Variants in ULK4 observed in about 807,000 individuals in gnomAD.
ULK4 encodes the protein inactive serine/threonine-protein kinase ULK4.
ULK4 carries 133 observed loss-of-function variants against 160.6 expected under a neutral mutation model. The observed-to-expected ratio is 0.83, with a 90% CI of 0.72 to 0.96. The LOEUF is 0.96. ULK4 is among the 40% of genes least tolerant of loss of function. The pLI is 0.00. For missense variants in ULK4, 1,580 were observed against 1,499.5 expected, an observed-to-expected ratio of 1.05 and a Z score of -0.89; for synonymous variants, 534 against 539.8, an observed-to-expected ratio of 0.99 and a Z score of 0.15.
At chr3:41,656,265 TA>T (rs1365921210) in intron 30 of ULK4, among the ~76,000 whole-genome samples, 4 of 152,062 alleles carry the variant, frequency 2.6e-5, no homozygotes, top group Non-Finnish European at 4.4e-5. Flanking sequence ...TTCTATGGAC[TA>T]GGGGGTTCAC....
intron 31 of ULK4, among the ~76,000 whole-genome samples, chr3:41,581,132 T>G (rs1322929730): frequency 1.3e-5 from 2 of 151,874 alleles, no homozygotes; most frequent in Non-Finnish European, 2.9e-5. Flanking sequence ...TTGTAACATA[T>G]AGCAAGAAAA....
chr3:41,577,413 T>C (rs1457928827), intron 31 of ULK4, among the ~76,000 whole-genome samples: 2 of 152,218 alleles, frequency 1.3e-5, no homozygotes, highest in African/African-American at 2.4e-5. Flanking sequence ...AGGCATGTAA[T>C]GCATAATAAT....
At chr3:41,547,790 T>A (rs1205414796) in intron 32 of ULK4, among the ~76,000 whole-genome samples, 2 of 152,190 alleles carry the variant, frequency 1.3e-5, no homozygotes, top group Non-Finnish European at 2.9e-5. Context: ...AGCAATGCAA[T>A]GCCAGCTGGA....
intron 25 of ULK4, among the ~76,000 whole-genome samples, chr3:41,706,364 T>A (rs1357530674): frequency 6.8e-6 from 1 of 146,264 alleles, no homozygotes; most frequent in African/African-American, 2.5e-5. Context: ...TATATATTTA[T>A]ATATATATTT....
intron 30 of ULK4, among the ~76,000 whole-genome samples, chr3:41,641,818 G>C (rs1235580047): frequency 7.9e-6 from 1 of 127,108 alleles, no homozygotes; most frequent in Non-Finnish European, 1.6e-5. Flanking sequence ...CCTAATAATT[G>C]TTTAAAATGC....
intron 35 of ULK4, among the ~76,000 whole-genome samples, chr3:41,285,195 C>G (rs2079434009): frequency 6.6e-6 from 1 of 152,152 alleles, no homozygotes; most frequent in Admixed American, 6.5e-5. Flanking sequence ...CCTTAAAGAA[C>G]TAAAAGTAGA....
intron 32 of ULK4, among the ~76,000 whole-genome samples, chr3:41,467,469 G>C (rs1016286671): frequency 6.6e-6 from 1 of 152,216 alleles, no homozygotes; most frequent in African/African-American, 2.4e-5. Context: ...AGAAGTTGTA[G>C]TGAGCTGAGA....
intron 34 of ULK4, among the ~76,000 whole-genome samples, chr3:41,449,167 C>T (rs2083370569): frequency 6.6e-6 from 1 of 152,154 alleles, no homozygotes; most frequent in African/African-American, 2.4e-5. Context: ...ATCTGCCCAC[C>T]TCAGCCTCCC....
At chr3:41,308,356 T>C (rs2079988387) in intron 35 of ULK4, among the ~76,000 whole-genome samples, 2 of 151,472 alleles carry the variant, frequency 1.3e-5, no homozygotes, top group Admixed American at 1.3e-4. Flanking sequence ...AAAAGATAAC[T>C]CTGAAGATAA....
intron 31 of ULK4, among the ~76,000 whole-genome samples, chr3:41,568,288 T>G (rs2087854339): frequency 6.6e-6 from 1 of 152,110 alleles, no homozygotes; most frequent in Non-Finnish European, 1.5e-5. Context: ...GGCTTGGGAG[T>G]GCTGCAGGGG....
intron 35 of ULK4, among the ~76,000 whole-genome samples, chr3:41,327,437 G>A (rs933129999): frequency 6.6e-5 from 10 of 151,868 alleles, no homozygotes; most frequent in African/African-American, 1.2e-4. Context: ...CCTCTTGCCC[G>A]TATTCTGGCA....
chr3:41,858,146 T>G (rs1297718268), intron 17 of ULK4, among the ~76,000 whole-genome samples: 1 of 100,630 alleles, frequency 9.9e-6, no homozygotes, highest in Admixed American at 8.9e-5. Flanking sequence ...TTTTTTTGTT[T>G]GTTTTTTTTT....
chr3:41,576,491 C>A (rs1044545089), intron 31 of ULK4, among the ~76,000 whole-genome samples: 9 of 152,168 alleles, frequency 5.9e-5, no homozygotes, highest in Non-Finnish European at 1.2e-4. Flanking sequence ...AATGAAAAAA[C>A]AATCCTGCTC....
chr3:41,817,539 T>C (rs1368770794), intron 19 of ULK4, among the ~76,000 whole-genome samples: 1 of 152,108 alleles, frequency 6.6e-6, no homozygotes, highest in African/African-American at 2.4e-5. Context: ...CCAAATACCA[T>C]GTGTTCTCAC....
chr3:41,699,780 A>G (rs1279146315), intron 27 of ULK4, among the ~76,000 whole-genome samples: 3 of 152,210 alleles, frequency 2.0e-5, no homozygotes, highest in African/African-American at 7.2e-5. Context: ...GTCATGCTCA[A>G]AAAGAGGTAA....
In ULK4 at chr3:41,852,242, T is replaced by C. The variant is rs542256674; in HGVS notation, c.1657-16271A>G. On this transcript the variant is annotated intron_variant, in intron 17 of 36. Coordinates refer to ENST00000301831, the MANE Select transcript of ULK4 (RefSeq NM_017886.4). ...ACAGGCTCTGAAATTGAGGCAATAA[T>C]TAATAGCTTACAAACCAAAAAAAGT... 3.3e-5 allele frequency among the ~76,000 whole-genome samples: 5 copies of C among 152,300 alleles called. No individual in the cohort carries two copies. In the South Asian group the frequency reaches 8.3e-4, roughly 25 times the overall value.
At chr3:41,521,718 C>T (rs1342683719) in intron 32 of ULK4, among the ~76,000 whole-genome samples, 1 of 152,160 alleles carries the variant, frequency 6.6e-6, no homozygotes, top group Non-Finnish European at 1.5e-5. Flanking sequence ...CTTTTAAATA[C>T]ACTAATTCAG....
At chr3:41,547,596 C>T (rs2086908182) in intron 32 of ULK4, among the ~76,000 whole-genome samples, 1 of 152,158 alleles carries the variant, frequency 6.6e-6, no homozygotes, top group Admixed American at 6.5e-5. Context: ...GGCAATGGCA[C>T]CGCTCCAGAC....
intron 19 of ULK4, among the ~76,000 whole-genome samples, chr3:41,803,097 G>C (rs1277076117): frequency 6.6e-6 from 1 of 150,916 alleles, no homozygotes; most frequent in Non-Finnish European, 1.5e-5. Flanking sequence ...CCAGGACCCA[G>C]GAGGCAGAGG....
Sources: allele counts gnomAD v4.1 joint callset (sites outside exome capture counted in the v4.1 genomes callset), GRCh38; gene constraint gnomAD v4.1.1; transcripts MANE v1.5; gene names NCBI Gene and HGNC (gene_info 2026-07-23, HGNC 2026-07-21).